Variants in IQCJ observed in about 807,000 individuals in gnomAD.
IQCJ encodes the protein IQ motif containing J, also known as IQ domain-containing protein J.
A neutral mutation model predicts 11.0 loss-of-function variants in IQCJ; 9 were observed. The ratio of observed to expected loss-of-function variants is 0.82; its 90% CI spans 0.49 to 1.43. IQCJ has a LOEUF of 1.43. Among genes scored for constraint, IQCJ ranks in the 40% most tolerant of loss-of-function variants. The pLI is 0.00. For missense variants in IQCJ, 146 were observed against 133.2 expected, an observed-to-expected ratio of 1.10 and a Z score of -0.47; for synonymous variants, 55 against 51.3, an observed-to-expected ratio of 1.07 and a Z score of -0.31.
At position 159,252,319 on chromosome 3, in the gene IQCJ, G is replaced by A. The variant is rs963670064; in HGVS notation, c.75-408G>A. Among the ~76,000 whole-genome samples, 96 of 152,336 alleles carry A rather than the reference G, an allele frequency of 6.3e-4. 3 individuals carry two copies. Among genetic ancestry groups the A allele is most frequent in the Admixed American group, 6.1e-3 (94 of 15,306 alleles). ...TGAAACGGCTTACAAATGAAAGGAG[G>A]AAAGGTCCAGTGGCAGTGGTACTAC... On this transcript the variant is annotated intron_variant, in intron 2 of 3. Coordinates refer to ENST00000397832, the MANE Select transcript of IQCJ (RefSeq NM_001042706.3).
chr3:159,123,646 A>G (rs940776472), intron 1 of IQCJ, among the ~76,000 whole-genome samples: 2 of 152,150 alleles, frequency 1.3e-5, no homozygotes, highest in Non-Finnish European at 2.9e-5. Context: ...CTAAGGGCCG[A>G]TCACTCCACA....
intron 3 of IQCJ, among the ~76,000 whole-genome samples, chr3:159,261,344 C>G (rs1577123983): frequency 1.3e-5 from 2 of 152,272 alleles, no homozygotes; most frequent in African/African-American, 2.4e-5. Context: ...CAGTGACCCC[C>G]CCTATGAAAA....
In IQCJ at chr3:159,089,048, T is replaced by C. The variant is rs991172094; in HGVS notation, c.9+19607T>C. On this transcript the variant is annotated intron_variant, in intron 1 of 3. Transcript: ENST00000397832. ...TTCACATTTTGGCATGATTTTGCAG[T>C]GGCTGGTACCGGTTGTTCCTTTACA... Among the ~76,000 whole-genome samples the C allele has an allele frequency of 2.6e-4, 39 of 152,318 alleles. No individual in the cohort carries two copies. The South Asian group carries it at 6.9e-3, about 27-fold the overall frequency.
At chr3:159,235,861 G>C (rs1473553465) in intron 1 of IQCJ, among the ~76,000 whole-genome samples, 1 of 152,062 alleles carries the variant, frequency 6.6e-6, no homozygotes, top group Non-Finnish European at 1.5e-5. Context: ...AATTTTCATA[G>C]GCATATCTTA....
chr3:159,239,471 A>G (rs1383252873), intron 1 of IQCJ, among the ~76,000 whole-genome samples: 1 of 152,246 alleles, frequency 6.6e-6, no homozygotes, highest in Admixed American at 6.5e-5. Context: ...GAGAAAAAAA[A>G]AATAGAAGAA....
intron 1 of IQCJ, among the ~76,000 whole-genome samples, chr3:159,186,099 G>A (rs1334729862): frequency 6.6e-6 from 1 of 152,206 alleles, no homozygotes; most frequent in Admixed American, 6.5e-5. Flanking sequence ...TTTTAATGGA[G>A]AAGGGGAGAG....
At chr3:159,137,922 C>T (rs550766331) in intron 1 of IQCJ, among the ~76,000 whole-genome samples, 1 of 152,270 alleles carries the variant, frequency 6.6e-6, no homozygotes, top group South Asian at 2.1e-4. Flanking sequence ...CTTTAGATTT[C>T]TGTATATCTG....
intron 1 of IQCJ, among the ~76,000 whole-genome samples, chr3:159,127,904 T>G (rs1413066199): frequency 6.6e-6 from 1 of 152,182 alleles, no homozygotes; most frequent in African/African-American, 2.4e-5. Flanking sequence ...TGCTTCTCAT[T>G]TAATCTGGGA....
At chr3:159,123,145 C>T (rs1312882709) in intron 1 of IQCJ, among the ~76,000 whole-genome samples, 1 of 152,142 alleles carries the variant, frequency 6.6e-6, no homozygotes, top group African/African-American at 2.4e-5. Flanking sequence ...ATAAAATAAG[C>T]AGCGGGTTGG....
At chr3:159,145,668 AT>A (rs1053802612) in intron 1 of IQCJ, among the ~76,000 whole-genome samples, 1 of 151,424 alleles carries the variant, frequency 6.6e-6, no homozygotes, top group African/African-American at 2.4e-5. Context: ...TCAATCACTT[AT>A]TTTTTCATCT....
At chr3:159,112,583 TC>T (rs140699403) in intron 1 of IQCJ, among the ~76,000 whole-genome samples, 17,330 of 152,098 alleles carry the variant, frequency 0.11, 3,018 homozygotes, top group African/African-American at 0.37. Context: ...AACAGTAGCC[TC>T]CCTGTCTCTG....
intron 1 of IQCJ, among the ~76,000 whole-genome samples, chr3:159,195,291 C>T (rs1723920159): frequency 6.6e-6 from 1 of 152,184 alleles, no homozygotes; most frequent in African/African-American, 2.4e-5. Flanking sequence ...CCTTTCTTCT[C>T]TTAGAAGACC....
At chr3:159,181,881 A>T (rs969552190) in intron 1 of IQCJ, among the ~76,000 whole-genome samples, 2 of 151,626 alleles carry the variant, frequency 1.3e-5, no homozygotes, top group Non-Finnish European at 2.9e-5. Context: ...GTCCATTGTC[A>T]TGCAGCCACT....
chr3:159,143,072 A>G (rs1720719027), intron 1 of IQCJ, among the ~76,000 whole-genome samples: 1 of 152,220 alleles, frequency 6.6e-6, no homozygotes, highest in Non-Finnish European at 1.5e-5. Flanking sequence ...TTAACCATCA[A>G]GTGTGTACAG....
At chr3:159,088,289 T>A (rs1370730836) in intron 1 of IQCJ, among the ~76,000 whole-genome samples, 2 of 152,156 alleles carry the variant, frequency 1.3e-5, no homozygotes, top group Non-Finnish European at 2.9e-5. Context: ...AGAGACAGTT[T>A]GTTATAATTT....
chr3:159,251,069 G>C (rs192584216), intron 2 of IQCJ, among the ~76,000 whole-genome samples: 1 of 152,102 alleles, frequency 6.6e-6, no homozygotes, highest in African/African-American at 2.4e-5. Flanking sequence ...CAATGGCACA[G>C]AGTAAACAAG....
chr3:159,144,241 T>C (rs1720791095), intron 1 of IQCJ, among the ~76,000 whole-genome samples: 1 of 152,222 alleles, frequency 6.6e-6, no homozygotes, highest in Admixed American at 6.5e-5. Context: ...ATTTATTCAG[T>C]TGCAGATCCA....
At chr3:159,261,445 C>T (rs889053638) in intron 3 of IQCJ, among the ~76,000 whole-genome samples, 40 of 152,164 alleles carry the variant, frequency 2.6e-4, no homozygotes, top group African/African-American at 8.7e-4. Context: ...GTAATGATCC[C>T]CACATGTCAA....
At chr3:159,116,161 G>A (rs1043507559) in intron 1 of IQCJ, among the ~76,000 whole-genome samples, 14 of 152,094 alleles carry the variant, frequency 9.2e-5, no homozygotes, top group African/African-American at 3.4e-4. Context: ...CTTGAGCCTG[G>A]GAGGTCAGGT....
Sources: allele counts gnomAD v4.1 joint callset (sites outside exome capture counted in the v4.1 genomes callset), GRCh38; gene constraint gnomAD v4.1.1; transcripts MANE v1.5; gene names NCBI Gene and HGNC (gene_info 2026-07-23, HGNC 2026-07-21).